ALDH4A1: variants seen among roughly 807,000 people sequenced by gnomAD.
ALDH4A1 encodes the protein delta-1-pyrroline-5-carboxylate dehydrogenase, mitochondrial.
A neutral mutation model predicts 70.5 loss-of-function variants in ALDH4A1; 46 were observed. The observed-to-expected ratio is 0.65, with a 90% confidence interval of 0.51 to 0.83. The LOEUF (loss-of-function observed/expected upper bound fraction) is 0.83. Among genes scored for constraint, ALDH4A1 ranks in the 40% least tolerant of loss-of-function variants. ALDH4A1 has a pLI of 0.00. For synonymous variants in ALDH4A1, 323 were observed against 324.3 expected (o/e 1.00, Z 0.04); for missense variants, 749 against 766.5 (o/e 0.98, Z 0.27).
Position 18,877,403 on chromosome 1 carries a change from C to G in ALDH4A1, c.1137+13G>C. The stretch of plus-strand genomic sequence containing the variant: ...CCCCGCTGGGCCGCGGCGGGGGTGA[C>G]GGTGCCACTCACGTCGCCCACTTTG... On this transcript the variant is annotated intron_variant, in intron 10 of 14. Coordinates refer to ENST00000375341, the MANE Select transcript of ALDH4A1 (RefSeq NM_003748.4). The G allele has an allele frequency of 6.4e-7, 1 of 1,559,840 alleles. No homozygotes were observed. The highest frequency in any genetic ancestry group is 2.4e-5 in the East Asian group (1 of 41,902).
chr1:18,881,329 C>T (rs1039595392), intron 8 of ALDH4A1, among the ~76,000 whole-genome samples: 1 of 152,154 alleles, frequency 6.6e-6, no homozygotes, highest in Admixed American at 6.5e-5. Context: ...GATGTCACCT[C>T]CTCCAGGAAG....
At chr1:18,877,080 G>T in intron 11 of ALDH4A1, 128 bp downstream of exon 11, 1 of 1,204,884 alleles carries the variant, frequency 8.3e-7, no homozygotes, top group Non-Finnish European at 1.2e-6. Flanking sequence ...TGTGGCTGCT[G>T]AGCTGCCTTG....
chr1:18,879,393 G>C lies in ALDH4A1; in HGVS notation c.867-20C>G. On this transcript the variant is annotated intron_variant, in intron 8 of 14. Transcript: ENST00000375341. The stretch of plus-strand genomic sequence containing the variant: ...AAGGTGCTGGAACCACAGGAGAAAG[G>C]GTGGGGTTCAGGGAGCCAGGCCAGA... 6.2e-7 allele frequency: 1 copy of C among 1,605,118 alleles called. No individual in the cohort carries two copies. The highest frequency in any genetic ancestry group is 1.3e-5 in the African/African-American group (1 of 74,938).
chr1:18,900,912 T>G (rs1280817120), intron 1 of ALDH4A1: 6 of 984,892 alleles, frequency 6.1e-6, no homozygotes, highest in Non-Finnish European at 6.0e-6. Flanking sequence ...GATTGCTTGA[T>G]AATCATTATT....
intron 2 of ALDH4A1, 36 bp downstream of exon 2, chr1:18,889,976 C>T: frequency 2.0e-6 from 3 of 1,531,104 alleles, no homozygotes; most frequent in Admixed American, 1.8e-5. Flanking sequence ...TGCTCCATGC[C>T]CTGCACCTCT....
At chr1:18,873,624 G>A (rs180805001) in intron 14 of ALDH4A1, among the ~76,000 whole-genome samples, 90 of 152,300 alleles carry the variant, frequency 5.9e-4, no homozygotes, top group African/African-American at 2.1e-3. Context: ...TTCCAGATTG[G>A]TGAACACGTC....
At chr1:18,894,587 G>A (rs543128663) in intron 1 of ALDH4A1, among the ~76,000 whole-genome samples, 2 of 152,228 alleles carry the variant, frequency 1.3e-5, no homozygotes, top group East Asian at 1.9e-4. Context: ...TCCTTTCTCC[G>A]TTCCCTCCCA....
intron 8 of ALDH4A1, 133 bp from the exon 9 acceptor site, chr1:18,879,506 C>T: frequency 1.3e-6 from 1 of 777,504 alleles, no homozygotes; most frequent in East Asian, 2.7e-5. Context: ...CGGCTGGGAA[C>T]AGGCTGCATT....
rs570135314 is a variant in ALDH4A1, at chr1:18,898,865, G to A, written c.62+3597C>T. Among the ~76,000 whole-genome samples the A allele has an allele frequency of 7.9e-5, 12 of 152,338 alleles. No homozygotes were observed. Among genetic ancestry groups the A allele is most frequent in the African/African-American group, 2.4e-4 (10 of 41,580 alleles). On this transcript the variant is annotated intron_variant, in intron 1 of 14. Transcript: ENST00000375341. The surrounding 1 kb of genome is among the most constrained non-coding windows in gnomAD (Gnocchi z 4.3). Reference sequence around the variant, plus strand: ...CACTGCCAAGCACTGCCTCAATGGCGCTTTCACTACTTTAGAAGTGTGATG... The same window carrying A: ...CACTGCCAAGCACTGCCTCAATGGCACTTTCACTACTTTAGAAGTGTGATG...
rs150654615 is a variant in ALDH4A1, at chr1:18,879,805, C to CA, written c.867-433_867-432insT. ...CCGCTGTGGTCTGCGAAGGATCCCC[C>CA]CCAAGCCCAGCGCCCAGGCCTGAGA... is the stretch of plus-strand genomic sequence containing the variant. On this transcript the variant is annotated intron_variant, in intron 8 of 14. Coordinates refer to ENST00000375341, the MANE Select transcript of ALDH4A1 (RefSeq NM_003748.4). Among the ~76,000 whole-genome samples the CA allele has an allele frequency of 9.7e-4, 147 of 152,296 alleles. 1 individual carries two copies. Among genetic ancestry groups the CA allele is most frequent in the African/African-American group, 3.4e-3 (141 of 41,570 alleles).
chr1:18,881,559 C>T (rs773725931), intron 8 of ALDH4A1, 141 bp downstream of exon 8: 1 of 850,228 alleles, frequency 1.2e-6, no homozygotes, highest in African/African-American at 1.7e-5. Flanking sequence ...GGTGAAGTGG[C>T]TCACTCATAG....
chr1:18,900,106 T>G (rs1935751125), intron 1 of ALDH4A1, among the ~76,000 whole-genome samples: 1 of 152,230 alleles, frequency 6.6e-6, no homozygotes, highest in Non-Finnish European at 1.5e-5. Flanking sequence ...TTTTTCTATT[T>G]TTTTGCCTTA....
At chr1:18,896,504 C>T in intron 1 of ALDH4A1, among the ~76,000 whole-genome samples, 1 of 152,212 alleles carries the variant, frequency 6.6e-6, no homozygotes, top group East Asian at 1.9e-4. Flanking sequence ...CAGCCATTAT[C>T]TGGAGCCTGA....
chr1:18,884,472 C>A (rs1352259714), intron 5 of ALDH4A1, among the ~76,000 whole-genome samples: 1 of 152,064 alleles, frequency 6.6e-6, no homozygotes, highest in Non-Finnish European at 1.5e-5. Flanking sequence ...AACCCTTTCT[C>A]CCTCGACTCC....
At chr1:18,894,020 G>A (rs1178405275) in intron 1 of ALDH4A1, among the ~76,000 whole-genome samples, 1 of 152,168 alleles carries the variant, frequency 6.6e-6, no homozygotes, top group Non-Finnish European at 1.5e-5. Flanking sequence ...TTGACATGAT[G>A]CACCTTGCAG....
rs1934463004 is a variant in ALDH4A1 at position 18,872,102 on chromosome 1, C to T, written c.*743G>A. On this transcript the variant is annotated 3_prime_UTR_variant, in exon 15 of 15. Coordinates refer to ENST00000375341, the MANE Select transcript of ALDH4A1 (RefSeq NM_003748.4). ...GATCAAAGGGAAGGCTGACATAGGA[C>T]GAAGGCCCATCCAAGGTTTTCCAGA... 1 of 152,332 alleles carries T rather than the reference C, an allele frequency of 6.6e-6. No homozygotes were observed. The highest frequency in any genetic ancestry group is 2.1e-4 in the South Asian group (1 of 4,838). 9.4% of individuals were successfully genotyped at this position (152,332 alleles called of 1,614,324 possible).
At chr1:18,882,557 T>C (rs1160429015) in intron 7 of ALDH4A1, 1 of 531,916 alleles carries the variant, frequency 1.9e-6, no homozygotes, top group Non-Finnish European at 3.9e-6. Flanking sequence ...TACATCCAAA[T>C]CTTTCTCTGC....
chr1:18,900,735 C>G, intron 1 of ALDH4A1: 1 of 553,308 alleles, frequency 1.8e-6, no homozygotes, highest in Non-Finnish European at 2.3e-6. Flanking sequence ...CTGCAAAATG[C>G]TCTTTCTCTT....
Position 18,875,468 on chromosome 1 carries a change from G to A in ALDH4A1, c.1374C>T (p.Tyr458=). 6.2e-7 allele frequency: 1 copy of A among 1,614,110 alleles called. No homozygotes were observed. Among genetic ancestry groups the A allele is most frequent in the Non-Finnish European group, 8.5e-7 (1 of 1,180,002 alleles). The change falls in exon 13 of 15, where the codon TAC becomes TAT. Residue 458 remains tyrosine (Y), a synonymous_variant. Coordinates refer to ENST00000375341, the MANE Select transcript of ALDH4A1 (RefSeq NM_003748.4). ...IFGPVLSVYV[Y]PDDKYKETLQ... is the part of the protein sequence containing the mutation. ...GCGTCTCCTTGTACTTGTCATCCGG[G>A]TAGACGTACACAGACAGTACAGGCC...
Sources: allele counts gnomAD v4.1 joint callset (sites outside exome capture counted in the v4.1 genomes callset), GRCh38; gene constraint gnomAD v4.1.1; non-coding constraint Gnocchi (gnomAD v3.1); transcripts MANE v1.5; gene names NCBI Gene and HGNC (gene_info 2026-07-23, HGNC 2026-07-21).